Variants in WWOX observed in about 807,000 individuals in gnomAD.
WWOX encodes the protein WW domain-containing oxidoreductase.
Under a neutral mutation model 46.2 loss-of-function variants are expected in WWOX, and 69 were observed. The ratio of observed to expected loss-of-function variants is 1.49; its 90% CI spans 1.23 to 1.82. The LOEUF (loss-of-function observed/expected upper bound fraction) is 1.82. Among genes scored for constraint, WWOX ranks in the 40% most tolerant of loss-of-function variants. The pLI is 0.00. For missense variants in WWOX, 919 were observed against 542.6 expected, an observed-to-expected ratio of 1.69 and a Z score of -6.89; for synonymous variants, 359 against 202.6, an observed-to-expected ratio of 1.77 and a Z score of -6.56.
At chr16:79,104,180 G>A (rs903049227) in intron 8 of WWOX, among the ~76,000 whole-genome samples, 4 of 151,886 alleles carry the variant, frequency 2.6e-5, no homozygotes, top group Non-Finnish European at 5.9e-5. Context: ...CTACTCTAAA[G>A]CAATGGTTTT....
chr16:78,504,895 A>G (rs1877278), intron 8 of WWOX, among the ~76,000 whole-genome samples: 137,878 of 152,080 alleles, frequency 0.91, 63,047 homozygotes, highest in Non-Finnish European at 0.97. Flanking sequence ...TCGAAACCAA[A>G]CCCACATTAA....
At chr16:79,174,301 C>T (rs895899704) in intron 8 of WWOX, among the ~76,000 whole-genome samples, 1 of 152,182 alleles carries the variant, frequency 6.6e-6, no homozygotes, top group Non-Finnish European at 1.5e-5. Context: ...TCTTTTCCCC[C>T]AAATACAATA....
Position 78,979,256 on chromosome 16 carries a change from C to T in WWOX, c.1057-232352C>T, listed in dbSNP as rs1395843029. Among the ~76,000 whole-genome samples, 6 of 152,128 alleles carry T rather than the reference C, an allele frequency of 3.9e-5. No individual in the cohort carries two copies. In the East Asian group the frequency reaches 1.2e-3, roughly 29 times the overall value. ...ATACAGAAGTAAAACAAGCCATCCC[C>T]ATTCCCACCTCCCAGAGATAACGCC... On this transcript the variant is annotated intron_variant, in intron 8 of 8. Coordinates refer to ENST00000566780, the MANE Select transcript of WWOX (RefSeq NM_016373.4).
chr16:78,134,389 T>C (rs2151700293), intron 4 of WWOX, among the ~76,000 whole-genome samples: 1 of 152,290 alleles, frequency 6.6e-6, no homozygotes, highest in Non-Finnish European at 1.5e-5. Context: ...CCTGCTGAAT[T>C]TTACCTATTC....
At chr16:78,471,823 T>C (rs761845409) in intron 8 of WWOX, among the ~76,000 whole-genome samples, 24 of 152,236 alleles carry the variant, frequency 1.6e-4, no homozygotes, top group Non-Finnish European at 2.9e-4. Context: ...TATCATGAAG[T>C]AGATTTATGT....
chr16:78,166,380 T>TG (rs2034971672), intron 5 of WWOX, among the ~76,000 whole-genome samples: 1 of 152,206 alleles, frequency 6.6e-6, no homozygotes, highest in Non-Finnish European at 1.5e-5. Context: ...CAGTCTTTCT[T>TG]ACGATATCAT....
chr16:79,074,503 G>A (rs1407122992), intron 8 of WWOX, among the ~76,000 whole-genome samples: 3 of 145,534 alleles, frequency 2.1e-5, no homozygotes, highest in Non-Finnish European at 4.5e-5. Context: ...GTGGGGGAAT[G>A]GAGAGACCTG....
intron 8 of WWOX, among the ~76,000 whole-genome samples, chr16:78,743,769 G>C (rs528461688): frequency 4.2e-4 from 64 of 152,196 alleles, no homozygotes; most frequent in African/African-American, 1.2e-3. Flanking sequence ...TCAGACATTT[G>C]CATAGGAGTG....
At chr16:79,164,688 G>A (rs1174512945) in intron 8 of WWOX, among the ~76,000 whole-genome samples, 2 of 152,190 alleles carry the variant, frequency 1.3e-5, no homozygotes, top group Admixed American at 6.5e-5. Flanking sequence ...CGCTCTGACA[G>A]CTGCATAATT....
At chr16:78,565,112 G>C (rs1324551567) in intron 8 of WWOX, among the ~76,000 whole-genome samples, 1 of 152,222 alleles carries the variant, frequency 6.6e-6, no homozygotes, top group Non-Finnish European at 1.5e-5. Flanking sequence ...TCATTCATCA[G>C]AGCAGCATAG....
chr16:78,561,617 T>C (rs1385099743), intron 8 of WWOX, among the ~76,000 whole-genome samples: 1 of 150,898 alleles, frequency 6.6e-6, no homozygotes, highest in African/African-American at 2.4e-5. Context: ...AAAAGAGACC[T>C]GATATTTGGA....
At chr16:78,555,218 G>C (rs1238642420) in intron 8 of WWOX, among the ~76,000 whole-genome samples, 1 of 150,764 alleles carries the variant, frequency 6.6e-6, no homozygotes, top group East Asian at 1.9e-4. Context: ...CCTCATTGGA[G>C]GCATGTGTAT....
At chr16:78,925,897 T>G (rs1243379155) in intron 8 of WWOX, among the ~76,000 whole-genome samples, 2 of 152,122 alleles carry the variant, frequency 1.3e-5, no homozygotes, top group African/African-American at 4.8e-5. Flanking sequence ...CTTGCCTCCC[T>G]TCAGAATGAA....
intron 8 of WWOX, among the ~76,000 whole-genome samples, chr16:79,054,492 G>C (rs1198764007): frequency 6.6e-6 from 1 of 152,034 alleles, no homozygotes; most frequent in African/African-American, 2.4e-5. Flanking sequence ...TTTAATCAGG[G>C]GAATACATTA....
intron 8 of WWOX, among the ~76,000 whole-genome samples, chr16:78,724,889 C>T (rs548311539): frequency 6.6e-6 from 1 of 152,250 alleles, no homozygotes; most frequent in Admixed American, 6.5e-5. Flanking sequence ...CTTTGTTTTT[C>T]CTTGCATCTC....
At chr16:78,718,092 G>GTTTTTTTTTTTTT in intron 8 of WWOX, among the ~76,000 whole-genome samples, 4 of 139,668 alleles carry the variant, frequency 2.9e-5, no homozygotes, top group Middle Eastern at 3.5e-3. Context: ...GGTTCTGGTG[G>GTTTTTTTTTTTTT]TTGTATTTTT....
At chr16:78,706,627 T>G (rs1259608742) in intron 8 of WWOX, among the ~76,000 whole-genome samples, 1 of 152,198 alleles carries the variant, frequency 6.6e-6, no homozygotes, top group Non-Finnish European at 1.5e-5. Flanking sequence ...AATAGTTTTT[T>G]TCCAATTATG....
chr16:79,027,491 A>AG, intron 8 of WWOX, among the ~76,000 whole-genome samples: 1 of 151,714 alleles, frequency 6.6e-6, no homozygotes, highest in Non-Finnish European at 1.5e-5. Flanking sequence ...ACTGAATAAG[A>AG]ACTAATGACT....
chr16:78,914,237 T>TATTC (rs560073282), intron 8 of WWOX, among the ~76,000 whole-genome samples: 1 of 152,080 alleles, frequency 6.6e-6, no homozygotes, highest in African/African-American at 2.4e-5. Context: ...TCCATCCGTC[T>TATTC]ATTCATTCAT....
Sources: gnomAD v4.1 joint callset for allele counts (sites outside exome capture counted in the v4.1 genomes callset) on GRCh38, gnomAD v4.1.1 for gene constraint, MANE v1.5 for transcripts, NCBI Gene and HGNC (gene_info 2026-07-23, HGNC 2026-07-21) for gene names.